PPARGC1A: variants seen among roughly 807,000 people sequenced by gnomAD.
PPARGC1A encodes peroxisome proliferator-activated receptor gamma coactivator 1-alpha.
In PPARGC1A, 25 loss-of-function variants were observed where a neutral mutation model predicts 88.7. The ratio of observed to expected loss-of-function variants is 0.28; its 90% CI spans 0.21 to 0.39. The LOEUF is 0.39. PPARGC1A is among the 10% of genes least tolerant of loss of function. The pLI is 1.00. For synonymous variants in PPARGC1A, 363 were observed against 355.6 expected, an observed-to-expected ratio of 1.02 and a Z score of -0.24; for missense variants, 880 against 968.7, an observed-to-expected ratio of 0.91 and a Z score of 1.22.
At chr4:24,176,711 G>GAAT in the PPARGC1A span, among the ~76,000 whole-genome samples, 2 of 151,894 alleles carry the variant, frequency 1.3e-5, no homozygotes, top group African/African-American at 4.8e-5. Flanking sequence ...CATAACCCCA[G>GAAT]AATAATAATA....
the PPARGC1A span, among the ~76,000 whole-genome samples, chr4:24,049,810 C>A: frequency 2.0e-5 from 3 of 152,140 alleles, no homozygotes; most frequent in Non-Finnish European, 4.4e-5. Flanking sequence ...TTTTGAGACA[C>A]TGCCTTCCAA....
the PPARGC1A span, among the ~76,000 whole-genome samples, chr4:23,936,435 G>C: frequency 1.6e-3 from 236 of 152,184 alleles, no homozygotes; most frequent in African/African-American, 5.4e-3. Flanking sequence ...AGCAGCAGAG[G>C]GAGTCAAGAA....
chr4:24,143,900 T>C, the PPARGC1A span, among the ~76,000 whole-genome samples: 1 of 152,226 alleles, frequency 6.6e-6, no homozygotes, highest in Non-Finnish European at 1.5e-5. Context: ...CTGGCAGTCT[T>C]ACTCCAAGTT....
At chr4:24,296,289 A>G in the PPARGC1A span, among the ~76,000 whole-genome samples, 7 of 151,814 alleles carry the variant, frequency 4.6e-5, no homozygotes, top group African/African-American at 7.3e-5. Context: ...TAGTATAAGC[A>G]TGTTCCAAAT....
At chr4:24,190,804 A>G in the PPARGC1A span, among the ~76,000 whole-genome samples, 2 of 152,180 alleles carry the variant, frequency 1.3e-5, no homozygotes. Flanking sequence ...GCCAGTGTTC[A>G]GCCCTCATTC....
intron 2 of PPARGC1A, among the ~76,000 whole-genome samples, chr4:23,851,192 A>T (rs1577508814): frequency 6.6e-6 from 1 of 152,310 alleles, no homozygotes; most frequent in East Asian, 1.9e-4. Context: ...TCATTTTGCA[A>T]TACACATAGT....
At chr4:24,283,467 G>T in the PPARGC1A span, among the ~76,000 whole-genome samples, 3 of 152,152 alleles carry the variant, frequency 2.0e-5, no homozygotes, top group African/African-American at 7.2e-5. Flanking sequence ...CGAAGGAAAC[G>T]GCTTCATTTA....
At chr4:24,472,288 G>A in the PPARGC1A span, among the ~76,000 whole-genome samples, 1 of 81,634 alleles carries the variant, frequency 1.2e-5, no homozygotes. The surrounding 1 kb of genome is among the most constrained non-coding windows in gnomAD (Gnocchi z 4.5). Context: ...ACCCCCTCCC[G>A]AGCCTCTGCC....
chr4:24,009,101 G>A, the PPARGC1A span, among the ~76,000 whole-genome samples: 20 of 122,992 alleles, frequency 1.6e-4, 1 homozygote, highest in South Asian at 5.4e-4. Flanking sequence ...ACTCCCGTGT[G>A]AAATATTTGC....
chr4:24,370,749 CTTTTTTTTTTT>C, the PPARGC1A span, among the ~76,000 whole-genome samples: 45 of 62,904 alleles, frequency 7.2e-4, no homozygotes, highest in East Asian at 1.7e-3. Flanking sequence ...CTGTCTCTCT[CTTTTTTTTTTT>C]TTTTTTTTTT....
chr4:24,310,023 C>G, the PPARGC1A span, among the ~76,000 whole-genome samples: 53,248 of 151,958 alleles, frequency 0.35, 10,623 homozygotes, highest in East Asian at 0.48. Flanking sequence ...AGTTGAACAT[C>G]CAGAAGGATG....
the PPARGC1A span, among the ~76,000 whole-genome samples, chr4:24,265,248 C>G: frequency 6.6e-6 from 1 of 152,092 alleles, no homozygotes; most frequent in Non-Finnish European, 1.5e-5. Context: ...TTGTGCACAC[C>G]AAGAAAGCCT....
At chr4:24,064,661 C>A in the PPARGC1A span, among the ~76,000 whole-genome samples, 67 of 152,238 alleles carry the variant, frequency 4.4e-4, no homozygotes, top group East Asian at 3.3e-3. Flanking sequence ...AGCCCCTTGT[C>A]CTTTCATAAA....
chr4:23,903,098 G>A (rs909231653), upstream of PPARGC1A, among the ~76,000 whole-genome samples: 1 of 152,072 alleles, frequency 6.6e-6, no homozygotes, highest in South Asian at 2.1e-4. Flanking sequence ...CACTTTTAAT[G>A]GTTCATAGGA....
chr4:23,906,480 G>A (rs1442198435), upstream of PPARGC1A, among the ~76,000 whole-genome samples: 1 of 151,758 alleles, frequency 6.6e-6, no homozygotes, highest in African/African-American at 2.4e-5. Flanking sequence ...GGGCATGGTG[G>A]TGCATGCCTG....
At chr4:23,878,619 C>T (rs1265312343) in intron 2 of PPARGC1A, among the ~76,000 whole-genome samples, 2 of 152,034 alleles carry the variant, frequency 1.3e-5, no homozygotes, top group Admixed American at 6.6e-5. Context: ...GTTATCAAGC[C>T]GAGAAGTCTA....
At chr4:24,033,168 C>A in the PPARGC1A span, among the ~76,000 whole-genome samples, 1 of 152,140 alleles carries the variant, frequency 6.6e-6, no homozygotes, top group Non-Finnish European at 1.5e-5. Flanking sequence ...CCCAAGTCCA[C>A]CACTGATTAT....
chr4:24,252,974 T>C, the PPARGC1A span, among the ~76,000 whole-genome samples: 1 of 152,208 alleles, frequency 6.6e-6, no homozygotes, highest in Non-Finnish European at 1.5e-5. Context: ...TTACAGTGAA[T>C]ATTCCTAACT....
intron 2 of PPARGC1A, among the ~76,000 whole-genome samples, chr4:23,854,814 T>A (rs1034321336): frequency 6.6e-6 from 1 of 151,916 alleles, no homozygotes; most frequent in African/African-American, 2.4e-5. Flanking sequence ...CCCAGATGGA[T>A]GAATGAGAAG....
Sources: allele counts gnomAD v4.1 joint callset (sites outside exome capture counted in the v4.1 genomes callset), GRCh38; gene constraint gnomAD v4.1.1; non-coding constraint Gnocchi (gnomAD v3.1); transcripts MANE v1.5; gene names NCBI Gene and HGNC (gene_info 2026-07-23, HGNC 2026-07-21).